Variants in CDK5RAP2 observed in about 807,000 individuals in gnomAD.
CDK5RAP2 encodes the protein CDK5 regulatory subunit-associated protein 2.
A neutral mutation model predicts 232.9 loss-of-function variants in CDK5RAP2; 147 were observed. The ratio of observed to expected loss-of-function variants is 0.63; its 90% confidence interval spans 0.55 to 0.72. The LOEUF (loss-of-function observed/expected upper bound fraction) is 0.72. Among genes scored for constraint, CDK5RAP2 ranks in the 30% least tolerant of loss-of-function variants. The probability of loss-of-function intolerance (pLI) is 0.00; values close to 1 mark genes in which losing one functional copy is unlikely to be tolerated. For synonymous variants in CDK5RAP2, 833 were observed against 833.7 expected, an observed-to-expected ratio of 1.00 and a Z score of 0.01; for missense variants, 2,195 against 2,231.5, an observed-to-expected ratio of 0.98 and a Z score of 0.33.
At chr9:120,559,769 T>C (rs1056805602) in intron 3 of CDK5RAP2, among the ~76,000 whole-genome samples, 2 of 152,058 alleles carry the variant, frequency 1.3e-5, no homozygotes, top group Admixed American at 6.5e-5. Context: ...CCATCTGAAA[T>C]GGGAAACATC....
At chr9:120,396,607 C>A (rs571362640) in intron 35 of CDK5RAP2, among the ~76,000 whole-genome samples, 2 of 152,324 alleles carry the variant, frequency 1.3e-5, no homozygotes, top group South Asian at 4.1e-4. Context: ...CCATGGCACA[C>A]TGGAGTGACT....
At chr9:120,394,799 T>C (rs905589067) in intron 35 of CDK5RAP2, among the ~76,000 whole-genome samples, 161 bp from the exon 36 acceptor site, 9 of 151,976 alleles carry the variant, frequency 5.9e-5, no homozygotes, top group Non-Finnish European at 1.2e-4. Flanking sequence ...AAAGGCAAAA[T>C]TGGACAAAAC....
At chr9:120,434,926 T>C (rs541305433) in intron 25 of CDK5RAP2, among the ~76,000 whole-genome samples, 13 of 152,122 alleles carry the variant, frequency 8.5e-5, no homozygotes, top group South Asian at 4.2e-4. Flanking sequence ...GCAATACTAC[T>C]GGAGATAAGG....
At chr9:120,536,720 A>G (rs955597805) in intron 6 of CDK5RAP2, 194 bp from the exon 7 acceptor site, 28 of 673,226 alleles carry the variant, frequency 4.2e-5, no homozygotes, top group African/African-American at 2.3e-4. Flanking sequence ...ATCCTGAAGC[A>G]TAACAGGCAT....
Position 120,491,451 on chromosome 9 carries a change from T to C in CDK5RAP2, c.1338A>G (p.Leu446=). The C allele has an allele frequency of 1.2e-6, 2 of 1,611,536 alleles. No individual in the cohort carries two copies. The highest frequency in any genetic ancestry group is 1.7e-6 in the Non-Finnish European group (2 of 1,178,980). Residue 446 remains leucine (L), a synonymous_variant, in exon 13 of 38, where the codon TTA becomes TTG. Transcript: ENST00000349780. ...IRDLRNEVEK[L]RNEVNEREKA... ...TCTCTCTTTCATTCACTTCATTGCG[T>C]AATTTTTCAACTTCATTTCTAAGAT... is the stretch of plus-strand genomic sequence containing the variant.
At chr9:120,565,603 G>C (rs1466131529) in intron 3 of CDK5RAP2, among the ~76,000 whole-genome samples, 1 of 152,134 alleles carries the variant, frequency 6.6e-6, no homozygotes, top group Non-Finnish European at 1.5e-5. Flanking sequence ...CTTCCAGCCA[G>C]TAAGTTCAGG....
At chr9:120,546,444 T>C (rs2041843791) in intron 4 of CDK5RAP2, among the ~76,000 whole-genome samples, 1 of 152,152 alleles carries the variant, frequency 6.6e-6, no homozygotes, top group African/African-American at 2.4e-5. Context: ...CACGTGAGAA[T>C]CCAGGGCAAA....
At chr9:120,520,614 G>A (rs2040574672) in intron 11 of CDK5RAP2, among the ~76,000 whole-genome samples, 1 of 151,902 alleles carries the variant, frequency 6.6e-6, no homozygotes, top group African/African-American at 2.4e-5. Flanking sequence ...CTGCACTCCA[G>A]TCTGGACGAC....
chr9:120,442,223 G>A (rs7041924), intron 23 of CDK5RAP2, among the ~76,000 whole-genome samples: 2,279 of 152,270 alleles, frequency 0.015, 54 homozygotes, highest in African/African-American at 0.052. Context: ...GTAAGCAGTA[G>A]AGCCCCTCCT....
At chr9:120,476,317 T>C (rs555044735) in intron 15 of CDK5RAP2, among the ~76,000 whole-genome samples, 56 of 152,110 alleles carry the variant, frequency 3.7e-4, no homozygotes, top group African/African-American at 1.1e-3. Flanking sequence ...CTTTTGATAT[T>C]CCCACCCACG....
chr9:120,426,209 T>C (rs879546774), intron 25 of CDK5RAP2, among the ~76,000 whole-genome samples: 1 of 152,224 alleles, frequency 6.6e-6, no homozygotes, highest in African/African-American at 2.4e-5. Context: ...CCAAAAAGTA[T>C]ATGAGACAGA....
At chr9:120,468,430 G>C (rs1231758459) in intron 17 of CDK5RAP2, among the ~76,000 whole-genome samples, 2 of 152,224 alleles carry the variant, frequency 1.3e-5, no homozygotes, top group African/African-American at 2.4e-5. Flanking sequence ...AACTGTATCA[G>C]AGTCTTACTT....
At position 120,453,561 on chromosome 9, in the gene CDK5RAP2, C is replaced by G; in HGVS notation, c.2688G>C (p.Glu896Asp). Residue 896 changes from glutamate to aspartate, a missense_variant, in exon 21 of 38, where the codon GAG (glutamate) becomes GAC (aspartate). Glu to Asp is a conservative substitution (Grantham distance 45). Transcript: ENST00000349780. ...CGCTGAGTGCAGTGTTGATCGGTTT[C>G]TCTTCCCAAGCCTCTCTTGTTGCTT... ...KHEATREAWEEKPINTALSAE... is the reference protein window; with the variant it reads ...KHEATREAWEDKPINTALSAE... 3 of 1,614,112 alleles carry G rather than the reference C, an allele frequency of 1.9e-6. No individual in the cohort carries two copies. Among genetic ancestry groups the G allele is most frequent in the African/African-American group, 1.3e-5 (1 of 75,004 alleles).
intron 3 of CDK5RAP2, among the ~76,000 whole-genome samples, chr9:120,558,816 A>G (rs563230279): frequency 6.6e-6 from 1 of 152,154 alleles, no homozygotes; most frequent in Non-Finnish European, 1.5e-5. Flanking sequence ...CTCACTCTCT[A>G]ATACATAGCT....
At chr9:120,520,132 T>C (rs1341133578) in intron 11 of CDK5RAP2, among the ~76,000 whole-genome samples, 1 of 152,240 alleles carries the variant, frequency 6.6e-6, no homozygotes, top group African/African-American at 2.4e-5. Flanking sequence ...TTTTCCTTCT[T>C]TTTTTCTGAA....
rs1447614166 is a variant in CDK5RAP2 at position 120,400,805 on chromosome 9, C to G, written c.5388G>C (p.Arg1796=). Residue 1796 remains arginine, a synonymous_variant, in exon 35 of 38, where the codon CGG becomes CGC. Coordinates refer to ENST00000349780, the MANE Select transcript of CDK5RAP2 (RefSeq NM_018249.6). ...GTGAGACTCTCCAGAGAAGCTTCAG[C>G]CGCCTGTAGGCCTCTTCCAGGGTCA... ...AKLTLEEAYR[R]LKLLWRVSLP... is the part of the protein sequence containing the mutation. 1 of 1,614,182 alleles carries G rather than the reference C, an allele frequency of 6.2e-7. No individual in the cohort carries two copies. Among genetic ancestry groups the G allele is most frequent in the African/African-American group, 1.3e-5 (1 of 75,048 alleles).
At chr9:120,457,762 C>T (rs1237750412) in intron 20 of CDK5RAP2, among the ~76,000 whole-genome samples, 1 of 152,224 alleles carries the variant, frequency 6.6e-6, no homozygotes, top group Non-Finnish European at 1.5e-5. Flanking sequence ...ACACGCATCA[C>T]ACCAAATGCC....
At chr9:120,532,005 A>T (rs2041175081) in intron 7 of CDK5RAP2, among the ~76,000 whole-genome samples, 2 of 146,040 alleles carry the variant, frequency 1.4e-5, no homozygotes, top group African/African-American at 2.5e-5. Context: ...ATAAAACTGA[A>T]TTTTTTTTTT....
chr9:120,444,926 T>C (rs547311090), intron 22 of CDK5RAP2, among the ~76,000 whole-genome samples: 1 of 152,312 alleles, frequency 6.6e-6, no homozygotes, highest in South Asian at 2.1e-4. Context: ...ACTTAGAGTG[T>C]ATAGCAAGAC....
Sources: gnomAD v4.1 joint callset for allele counts (sites outside exome capture counted in the v4.1 genomes callset) on GRCh38, gnomAD v4.1.1 for gene constraint, MANE v1.5 for transcripts, NCBI Gene and HGNC (gene_info 2026-07-23, HGNC 2026-07-21) for gene names.